UBE2E2: variants seen among roughly 807,000 people sequenced by gnomAD.
UBE2E2 encodes ubiquitin-conjugating enzyme E2 E2.
UBE2E2 carries 6 observed loss-of-function variants against 24.7 expected under a neutral mutation model. The observed-to-expected ratio is 0.24, with a 90% CI of 0.13 to 0.48. The LOEUF is 0.48. UBE2E2 is among the 20% of genes least tolerant of loss of function. The probability of loss-of-function intolerance (pLI) is 0.99; values close to 1 mark genes in which losing one functional copy is unlikely to be tolerated. For missense variants in UBE2E2, 169 were observed against 245.0 expected, an observed-to-expected ratio of 0.69 and a Z score of 2.07; for synonymous variants, 104 against 83.6, an observed-to-expected ratio of 1.24 and a Z score of -1.33.
At chr3:23,352,948 C>G (rs7634699) in intron 3 of UBE2E2, among the ~76,000 whole-genome samples, 43,636 of 152,040 alleles carry the variant, frequency 0.29, 6,481 homozygotes, top group East Asian at 0.36. Flanking sequence ...GAATTTTAGA[C>G]CAATATCCTT....
chr3:23,315,445 C>G (rs1303416496), intron 3 of UBE2E2, among the ~76,000 whole-genome samples: 2 of 152,034 alleles, frequency 1.3e-5, no homozygotes, highest in Non-Finnish European at 1.5e-5. Context: ...CATTTTTCAA[C>G]TACAGGATTT....
intron 3 of UBE2E2, among the ~76,000 whole-genome samples, chr3:23,430,603 C>G (rs1698038274): frequency 6.6e-6 from 1 of 152,018 alleles, no homozygotes; most frequent in Non-Finnish European, 1.5e-5. Flanking sequence ...ATCATGGCCT[C>G]AACCCCCTGG....
chr3:23,318,689 T>C (rs1388761931), intron 3 of UBE2E2, among the ~76,000 whole-genome samples: 2 of 152,100 alleles, frequency 1.3e-5, no homozygotes, highest in Non-Finnish European at 1.5e-5. Context: ...TTACCACTTA[T>C]TCACTACCAC....
In UBE2E2 at chr3:23,291,168, C is replaced by T. The variant is rs574374999; in HGVS notation, c.227+73856C>T. ...GATTCTCCTTGGGGTAGATGCATAG[C>T]TTGGCCAGATAAGGGACTTCTAGGT... is the stretch of plus-strand genomic sequence containing the variant. On this transcript the variant is annotated intron_variant, in intron 3 of 5. Transcript: ENST00000396703. Among the ~76,000 whole-genome samples the T allele has an allele frequency of 4.1e-4, 62 of 151,510 alleles. 1 individual carries two copies. In the South Asian group the frequency reaches 5.8e-3, roughly 14 times the overall value.
At chr3:23,449,902 C>G in intron 3 of UBE2E2, 1 of 985,410 alleles carries the variant, frequency 1.0e-6, no homozygotes, top group Middle Eastern at 5.2e-4. Context: ...GTGCGGAGGC[C>G]CCACATGGGG....
At chr3:23,379,131 G>A (rs192763972) in intron 3 of UBE2E2, among the ~76,000 whole-genome samples, 5 of 152,132 alleles carry the variant, frequency 3.3e-5, no homozygotes, top group Admixed American at 1.3e-4. Flanking sequence ...TGTGATCAAA[G>A]TACTGAAAAA....
intron 3 of UBE2E2, among the ~76,000 whole-genome samples, chr3:23,277,649 A>T (rs928711222): frequency 8.5e-5 from 13 of 152,110 alleles, no homozygotes; most frequent in African/African-American, 2.9e-4. Flanking sequence ...CTATAAATTA[A>T]TTTTAATTCT....
intron 3 of UBE2E2, among the ~76,000 whole-genome samples, chr3:23,234,386 A>G (rs1697050858): frequency 6.6e-6 from 1 of 152,148 alleles, no homozygotes; most frequent in Non-Finnish European, 1.5e-5. Flanking sequence ...TGTGGAAGGT[A>G]GTCAGAGATT....
At chr3:23,313,354 G>A (rs1694465065) in intron 3 of UBE2E2, among the ~76,000 whole-genome samples, 1 of 144,702 alleles carries the variant, frequency 6.9e-6, no homozygotes, top group African/African-American at 2.5e-5. Context: ...TATAGGTGAA[G>A]TGTGTTTCTT....
rs1697405060 is a variant in UBE2E2 at position 23,407,991 on chromosome 3, G to A, written c.228-91617G>A. On this transcript the variant is annotated intron_variant, in intron 3 of 5. Coordinates refer to ENST00000396703, the MANE Select transcript of UBE2E2 (RefSeq NM_152653.4). This position sits in a 1 kb window ranked among gnomAD's most constrained non-coding sequence, Gnocchi z 4.0. ...TAATTGTGCTTCTGGTGGGGGCGGG[G>A]GAGATGGGCTTTTATTAAAAAATAC... Among the ~76,000 whole-genome samples the A allele has an allele frequency of 1.3e-5, 2 of 151,786 alleles. No homozygotes were observed. The highest frequency in any genetic ancestry group is 4.8e-5 in the African/African-American group (2 of 41,296).
intron 3 of UBE2E2, among the ~76,000 whole-genome samples, chr3:23,271,324 G>T (rs1168920515): frequency 6.6e-6 from 1 of 152,160 alleles, no homozygotes; most frequent in Non-Finnish European, 1.5e-5. Context: ...TTGTGGTCTT[G>T]CTGGCTTCAG....
intron 1 of UBE2E2, among the ~76,000 whole-genome samples, chr3:23,207,359 C>G (rs1696177918): frequency 6.6e-6 from 1 of 151,828 alleles, no homozygotes; most frequent in South Asian, 2.1e-4. Context: ...ATCAGAACTG[C>G]TTGGGGGGCC....
intron 3 of UBE2E2, among the ~76,000 whole-genome samples, chr3:23,283,179 G>A (rs939993946): frequency 2.0e-5 from 3 of 151,940 alleles, no homozygotes; most frequent in Non-Finnish European, 4.4e-5. Context: ...AGTAGGTGAT[G>A]TCCCAAAGTG....
At chr3:23,355,955 T>C (rs1389391734) in intron 3 of UBE2E2, among the ~76,000 whole-genome samples, 3 of 152,344 alleles carry the variant, frequency 2.0e-5, no homozygotes, top group Admixed American at 1.3e-4. Context: ...CCATTTCTTG[T>C]TTTACACAGG....
intron 3 of UBE2E2, among the ~76,000 whole-genome samples, chr3:23,306,848 CCAGA>C (rs1397001005): frequency 6.6e-6 from 1 of 152,136 alleles, no homozygotes; most frequent in Non-Finnish European, 1.5e-5. Context: ...TTATAACAAT[CCAGA>C]CAGACCTGTT....
chr3:23,588,676 C>G (rs149517620), intron 5 of UBE2E2, among the ~76,000 whole-genome samples: 8 of 152,218 alleles, frequency 5.3e-5, no homozygotes, highest in Middle Eastern at 3.4e-3. Context: ...TAACAGCACC[C>G]TGTTAGTTAA....
At chr3:23,448,753 G>T (rs1575637196) in intron 3 of UBE2E2, among the ~76,000 whole-genome samples, 1 of 152,134 alleles carries the variant, frequency 6.6e-6, no homozygotes, top group Admixed American at 6.6e-5. Flanking sequence ...AGTGCAGTTT[G>T]TAGTAAGCTG....
chr3:23,258,812 G>A (rs913002234), intron 3 of UBE2E2, among the ~76,000 whole-genome samples: 1 of 143,106 alleles, frequency 7.0e-6, no homozygotes, highest in Non-Finnish European at 1.5e-5. Context: ...AGAATGGCGT[G>A]AACCCGGGAG....
At chr3:23,529,815 T>A (rs990425241) in intron 4 of UBE2E2, among the ~76,000 whole-genome samples, 1 of 152,212 alleles carries the variant, frequency 6.6e-6, no homozygotes, top group Non-Finnish European at 1.5e-5. Flanking sequence ...CTTAGGCTAG[T>A]GTCTTTATTT....
Sources: allele counts gnomAD v4.1 joint callset (sites outside exome capture counted in the v4.1 genomes callset), GRCh38; gene constraint gnomAD v4.1.1; non-coding constraint Gnocchi (gnomAD v3.1); transcripts MANE v1.5; gene names NCBI Gene and HGNC (gene_info 2026-07-23, HGNC 2026-07-21).